C7orf33: variants seen among roughly 807,000 people sequenced by gnomAD.
The protein encoded by C7orf33 is chromosome 7 open reading frame 33, also known as uncharacterized protein C7orf33.
In C7orf33, 15 loss-of-function variants were observed where a neutral mutation model predicts 13.4. The observed-to-expected ratio is 1.12, with a 90% CI of 0.75 to 1.72. The LOEUF is 1.72. Among genes scored for constraint, C7orf33 ranks in the 40% most tolerant of loss-of-function variants. C7orf33 has a pLI of 0.00. For synonymous variants in C7orf33, 73 were observed against 83.2 expected, an observed-to-expected ratio of 0.88 and a Z score of 0.67; for missense variants, 187 against 220.3, an observed-to-expected ratio of 0.85 and a Z score of 0.96.
At chr7:148,612,785 C>A (rs1226139664) in intron 1 of C7orf33, among the ~76,000 whole-genome samples, 3 of 151,690 alleles carry the variant, frequency 2.0e-5, no homozygotes, top group Non-Finnish European at 4.4e-5. Flanking sequence ...TCATGCATTG[C>A]CAGTGGGAAT....
intron 1 of C7orf33, among the ~76,000 whole-genome samples, chr7:148,592,596 C>T (rs1182405304): frequency 1.3e-5 from 2 of 151,036 alleles, no homozygotes; most frequent in African/African-American, 4.9e-5. Flanking sequence ...CTCACTACAA[C>T]CTCTGCCTCC....
chr7:148,599,269 T>C (rs1796386423), intron 1 of C7orf33, among the ~76,000 whole-genome samples: 1 of 152,080 alleles, frequency 6.6e-6, no homozygotes, highest in South Asian at 2.1e-4. Flanking sequence ...CCTACAAATC[T>C]GAAATCTTAA....
chr7:148,590,871 G>A lies in C7orf33; in HGVS notation c.-55G>A. 2.0e-6 allele frequency: 3 copies of A among 1,503,800 alleles called. No individual in the cohort carries two copies. Among genetic ancestry groups the A allele is most frequent in the Non-Finnish European group, 2.8e-6 (3 of 1,081,152 alleles). The allele number at this position is 1,503,800 out of a possible 1,614,324, so 93.2% of individuals were successfully genotyped here. ...GTGCGACTTGATCTTAGATATTGGT[G>A]GTGAAGCGCCGCTCTCCTTGACAGC... On this transcript the variant is annotated 5_prime_UTR_variant, in exon 1 of 3. Transcript: ENST00000307003.
intron 1 of C7orf33, among the ~76,000 whole-genome samples, chr7:148,600,505 T>G (rs1796399470): frequency 6.6e-6 from 1 of 151,956 alleles, no homozygotes; most frequent in Non-Finnish European, 1.5e-5. Flanking sequence ...TGAAATAAAT[T>G]AAGCCCAGAG....
rs1423254495 is a variant in C7orf33, at chr7:148,614,183, A to G, written c.346A>G (p.Thr116Ala). The change falls in exon 2 of 3, where the codon ACC becomes GCC. Residue 116 changes from threonine (T) to alanine (A), a missense_variant. Physicochemically the swap from Thr to Ala is moderately conservative, Grantham distance 58. Transcript: ENST00000307003. ...GAGAGCAGTCAGAATCAGGCCAGGC[A>G]CCAGGATGGGCTTGTCCTCAGATCC... ...AQRAVRIRPGTRMGLSSDPVV... is the reference protein window; with the variant it reads ...AQRAVRIRPGARMGLSSDPVV... 1.2e-6 allele frequency: 2 copies of G among 1,614,192 alleles called. No individual in the cohort carries two copies. Among genetic ancestry groups the G allele is most frequent in the Admixed American group, 1.7e-5 (1 of 60,016 alleles).
chr7:148,612,679 G>A (rs896192212), intron 1 of C7orf33, among the ~76,000 whole-genome samples: 6 of 152,018 alleles, frequency 3.9e-5, no homozygotes, highest in African/African-American at 1.4e-4. Context: ...ATCAAAGCCA[G>A]AATTAAAACC....
intron 1 of C7orf33, among the ~76,000 whole-genome samples, chr7:148,597,761 T>TTTG (rs1554448364): frequency 1.3e-5 from 2 of 150,416 alleles, no homozygotes; most frequent in Admixed American, 6.6e-5. Context: ...TTTGTTTTGT[T>TTTG]TTGTTTTGTT....
intron 1 of C7orf33, among the ~76,000 whole-genome samples, chr7:148,609,326 T>C (rs1173921945): frequency 6.6e-6 from 1 of 152,208 alleles, no homozygotes. Context: ...CAATTATATT[T>C]TGGCTCTTAT....
chr7:148,604,239 G>C (rs1382654166), intron 1 of C7orf33, among the ~76,000 whole-genome samples: 2 of 151,254 alleles, frequency 1.3e-5, no homozygotes, highest in African/African-American at 4.9e-5. Context: ...CAATTCTCCT[G>C]CCTTGGCCTC....
chr7:148,593,618 G>A (rs1177807165), intron 1 of C7orf33, among the ~76,000 whole-genome samples: 3 of 152,106 alleles, frequency 2.0e-5, no homozygotes, highest in Admixed American at 2.0e-4. Flanking sequence ...ATGTTTTAAA[G>A]TTAGTTTTTA....
chr7:148,599,594 C>G (rs1796390279), intron 1 of C7orf33, among the ~76,000 whole-genome samples: 1 of 151,626 alleles, frequency 6.6e-6, no homozygotes, highest in Admixed American at 6.6e-5. Flanking sequence ...CTGCCTCCAG[C>G]TTCCCAAGTA....
chr7:148,610,163 T>TC (rs1796520518), intron 1 of C7orf33, among the ~76,000 whole-genome samples: 1 of 152,216 alleles, frequency 6.6e-6, no homozygotes, highest in South Asian at 2.1e-4. Context: ...GGAAGTTTGA[T>TC]CCACAAGTAA....
intron 1 of C7orf33, among the ~76,000 whole-genome samples, chr7:148,605,655 C>A (rs1431974472): frequency 6.6e-6 from 1 of 152,198 alleles, no homozygotes; most frequent in African/African-American, 2.4e-5. Context: ...TCACCAGAAC[C>A]AGTGCAGAGC....
At chr7:148,603,487 C>G (rs1406021023) in intron 1 of C7orf33, among the ~76,000 whole-genome samples, 1 of 152,126 alleles carries the variant, frequency 6.6e-6, no homozygotes, top group Non-Finnish European at 1.5e-5. Flanking sequence ...GCCTGGGCAA[C>G]AGAGCGAGAC....
chr7:148,614,240 G>T lies in C7orf33; in HGVS notation c.403G>T (p.Asp135Tyr), dbSNP rs778762571. Residue 135 changes from aspartate to tyrosine, a missense_variant, in exon 2 of 3, where the codon GAT becomes TAT. Physicochemically the swap from Asp to Tyr is radical, Grantham distance 160. Coordinates refer to ENST00000307003, the MANE Select transcript of C7orf33 (RefSeq NM_145304.4). ...VVGTLSSSYLDLLTLSYKPGR... is the reference protein window; with the variant it reads ...VVGTLSSSYLYLLTLSYKPGR... ...CGGCACCTTGTCTTCCAGTTACCTA[G>T]ATCTGCTAACTCTCTCTTACAAGCC... The T allele has an allele frequency of 1.9e-6, 3 of 1,614,130 alleles. No individual in the cohort carries two copies. The highest frequency in any genetic ancestry group is 2.5e-6 in the Non-Finnish European group (3 of 1,180,004).
chr7:148,613,563 A>G (rs1302088885), intron 1 of C7orf33, among the ~76,000 whole-genome samples: 1 of 152,244 alleles, frequency 6.6e-6, no homozygotes, highest in Non-Finnish European at 1.5e-5. Flanking sequence ...GAATTCAGTT[A>G]CAAAATACTA....
intron 1 of C7orf33, among the ~76,000 whole-genome samples, chr7:148,597,751 T>TTTG (rs1329615076): frequency 6.6e-6 from 1 of 151,848 alleles, no homozygotes; most frequent in Non-Finnish European, 1.5e-5. Context: ...TTTGTTTTGT[T>TTTG]TTGTTTTGTT....
intron 1 of C7orf33, among the ~76,000 whole-genome samples, chr7:148,600,069 T>C (rs1796394843): frequency 6.6e-6 from 1 of 152,126 alleles, no homozygotes; most frequent in African/African-American, 2.4e-5. Context: ...GCCCCGCAGT[T>C]TTGTGGTAGG....
chr7:148,591,166 T>C (rs1314984219), intron 1 of C7orf33, 37 bp downstream of exon 1: 6 of 1,507,052 alleles, frequency 4.0e-6, no homozygotes, highest in Non-Finnish European at 5.5e-6. Flanking sequence ...AACTGCTCTT[T>C]GAGTCAGTCA....
Sources: gnomAD v4.1 joint callset for allele counts (sites outside exome capture counted in the v4.1 genomes callset) on GRCh38, gnomAD v4.1.1 for gene constraint, MANE v1.5 for transcripts, NCBI Gene and HGNC (gene_info 2026-07-23, HGNC 2026-07-21) for gene names.